RSF1: variants seen among roughly 807,000 people sequenced by gnomAD.
The protein encoded by RSF1 is HBV pX-associated protein 8.
A neutral mutation model predicts 145.2 loss-of-function variants in RSF1; 13 were observed. That is an observed-to-expected ratio of 0.09 (90% CI 0.06 to 0.14). The LOEUF (loss-of-function observed/expected upper bound fraction) is 0.14. RSF1 is among the 10% of genes least tolerant of loss of function. RSF1 has a pLI of 1.00. For missense variants in RSF1, 1,517 were observed against 1,718.2 expected (o/e 0.88, Z 2.07); for synonymous variants, 577 against 592.6 (o/e 0.97, Z 0.38).
At chr11:77,789,548 C>A (rs1324338898) in intron 1 of RSF1, among the ~76,000 whole-genome samples, 2 of 152,172 alleles carry the variant, frequency 1.3e-5, no homozygotes, top group Admixed American at 1.3e-4. Flanking sequence ...GAGGCGCGAG[C>A]ACCCCCAGAC....
Position 77,691,296 on chromosome 11 carries a change from C to T in RSF1, c.2821-58G>A, listed in dbSNP as rs145340112. On this transcript the variant is annotated intron_variant, in intron 8 of 15. Transcript: ENST00000308488. ...AACAACTTTTAGCAATCATTTATTA[C>T]ATACATGTTAACTTCATGGGTAGTG... 1.0e-4 allele frequency: 146 copies of T among 1,455,518 alleles called. 1 individual carries two copies. The East Asian group carries it at 3.2e-3, about 32-fold the overall frequency. 90.2% of individuals were successfully genotyped at this position (1,455,518 alleles called of 1,614,324 possible). A position where few individuals can be genotyped will look rare whatever the true frequency, so the allele number is the denominator to read the frequency against.
At chr11:77,768,313 C>T (rs1353397611) in intron 1 of RSF1, among the ~76,000 whole-genome samples, 2 of 151,880 alleles carry the variant, frequency 1.3e-5, no homozygotes, top group African/African-American at 2.4e-5. Flanking sequence ...CAGGCGTGCG[C>T]CACCACGCCT....
intron 9 of RSF1, 51 bp from the exon 10 acceptor site, chr11:77,685,210 G>C (rs1239632580): frequency 1.8e-6 from 2 of 1,114,576 alleles, no homozygotes. Context: ...AAATAAAACT[G>C]TTATGTAAAC....
At chr11:77,809,126 C>G (rs983372390) in intron 1 of RSF1, among the ~76,000 whole-genome samples, 2 of 152,150 alleles carry the variant, frequency 1.3e-5, no homozygotes, top group African/African-American at 2.4e-5. Context: ...TTTCTCCAAC[C>G]CTTTAACACT....
the RSF1 span, among the ~76,000 whole-genome samples, chr11:77,868,064 T>TA: frequency 6.6e-6 from 1 of 151,412 alleles, no homozygotes; most frequent in Non-Finnish European, 1.5e-5. Context: ...GAGCCTTTTT[T>TA]TTTTTTTTTG....
chr11:77,812,666 A>G (rs1948742265), intron 1 of RSF1, among the ~76,000 whole-genome samples: 1 of 152,102 alleles, frequency 6.6e-6, no homozygotes. Flanking sequence ...CAGGCAGATC[A>G]CTTGAGGTCA....
rs1959293102 is a variant in RSF1, at chr11:77,663,778, C to T, written c.*3139G>A. ...TCACACATATTTCAGTTCAAAGCTTCTGCTGTGTGAAAAGCTGACTAGTTT... is the reference window on the plus strand; with the variant it reads ...TCACACATATTTCAGTTCAAAGCTTTTGCTGTGTGAAAAGCTGACTAGTTT... On this transcript the variant is annotated 3_prime_UTR_variant, in exon 16 of 16. Transcript: ENST00000308488. The T allele has an allele frequency of 6.6e-6, 1 of 152,220 alleles. No individual in the cohort carries two copies. The highest frequency in any genetic ancestry group is 2.1e-4 in the South Asian group (1 of 4,836). 9.4% of individuals were successfully genotyped at this position (152,220 alleles called of 1,614,324 possible). A position where few individuals can be genotyped will look rare whatever the true frequency, so the allele number is the denominator to read the frequency against.
intron 1 of RSF1, among the ~76,000 whole-genome samples, chr11:77,817,357 G>A (rs2135993982): frequency 6.6e-6 from 1 of 152,276 alleles, no homozygotes; most frequent in South Asian, 2.1e-4. Context: ...CTTTCCTGCT[G>A]CATACTGACT....
At chr11:77,855,964 A>G in the RSF1 span, among the ~76,000 whole-genome samples, 1 of 152,044 alleles carries the variant, frequency 6.6e-6, no homozygotes, top group East Asian at 1.9e-4. Flanking sequence ...GCAAAAACAC[A>G]CAAATTTCAC....
intron 2 of RSF1, among the ~76,000 whole-genome samples, chr11:77,752,394 A>C (rs572987870): frequency 4.6e-5 from 7 of 152,276 alleles, no homozygotes; most frequent in African/African-American, 1.7e-4. Flanking sequence ...ATAATAAAAG[A>C]CTAAGGTGGG....
intron 1 of RSF1, among the ~76,000 whole-genome samples, chr11:77,785,915 G>A (rs1948450524): frequency 1.1e-5 from 1 of 91,686 alleles, no homozygotes; most frequent in African/African-American, 4.5e-5. Context: ...GACAGAGTGA[G>A]ATTCTGTCTC....
chr11:77,734,927 C>T (rs545075121), intron 4 of RSF1: 67 of 1,589,390 alleles, frequency 4.2e-5, no homozygotes, highest in Middle Eastern at 1.7e-4. Context: ...GACAGGTAAA[C>T]GTAGGAGGCA....
At chr11:77,778,014 C>T (rs1426072349) in intron 1 of RSF1, among the ~76,000 whole-genome samples, 2 of 133,554 alleles carry the variant, frequency 1.5e-5, no homozygotes, top group African/African-American at 2.9e-5. Flanking sequence ...GTGGCTCATG[C>T]CTGTAATCCC....
intron 11 of RSF1, 94 bp downstream of exon 11, chr11:77,683,616 T>A (rs189658366): frequency 2.7e-6 from 2 of 754,208 alleles, no homozygotes; most frequent in Admixed American, 2.5e-5. Context: ...ACTGCAATAA[T>A]CAGCATGATA....
At chr11:77,779,343 G>A (rs1281452876) in intron 1 of RSF1, among the ~76,000 whole-genome samples, 1 of 151,796 alleles carries the variant, frequency 6.6e-6, no homozygotes, top group Non-Finnish European at 1.5e-5. Context: ...TAGTAGCTAG[G>A]ACTATAGGCA....
intron 5 of RSF1, among the ~76,000 whole-genome samples, chr11:77,714,539 A>C (rs1960760488): frequency 6.6e-6 from 1 of 151,902 alleles, no homozygotes; most frequent in South Asian, 2.1e-4. Flanking sequence ...ATAAGGAAAA[A>C]TCTTTCACAT....
intron 2 of RSF1, among the ~76,000 whole-genome samples, chr11:77,747,784 G>A (rs1403031115): frequency 2.0e-5 from 3 of 152,166 alleles, no homozygotes; most frequent in Non-Finnish European, 4.4e-5. Context: ...TAAACTAGAG[G>A]TCAGAGGAAG....
At chr11:77,788,142 CAAAAAAAAAA>C (rs66595170) in intron 1 of RSF1, among the ~76,000 whole-genome samples, 10 of 3,426 alleles carry the variant, frequency 2.9e-3, no homozygotes, top group Non-Finnish European at 3.8e-3. Context: ...GACACTATCT[CAAAAAAAAAA>C]AAAAAAAAAA....
chr11:77,785,829 G>A (rs1948449143), intron 1 of RSF1, among the ~76,000 whole-genome samples: 1 of 147,540 alleles, frequency 6.8e-6, no homozygotes, highest in Admixed American at 6.9e-5. Context: ...GGGAGGCTGA[G>A]GCAGGAGAAT....
Sources: allele counts gnomAD v4.1 joint callset (sites outside exome capture counted in the v4.1 genomes callset), GRCh38; gene constraint gnomAD v4.1.1; transcripts MANE v1.5; gene names NCBI Gene and HGNC (gene_info 2026-07-23, HGNC 2026-07-21).